CDK13: variants seen among roughly 807,000 people sequenced by gnomAD.
The protein encoded by CDK13 is cyclin-dependent kinase 13.
In CDK13, 40 loss-of-function variants were observed where a neutral mutation model predicts 137.6. That is an observed-to-expected ratio of 0.29 (90% CI 0.23 to 0.38). CDK13 has a LOEUF of 0.38. Among genes scored for constraint, CDK13 ranks in the 10% least tolerant of loss-of-function variants. CDK13 has a pLI of 1.00. For synonymous variants in CDK13, 869 were observed against 760.1 expected, an observed-to-expected ratio of 1.14 and a Z score of -2.36; for missense variants, 1,704 against 1,951.8, an observed-to-expected ratio of 0.87 and a Z score of 2.39.
chr7:40,027,214 G>A (rs189823007), intron 5 of CDK13, among the ~76,000 whole-genome samples: 4 of 152,196 alleles, frequency 2.6e-5, no homozygotes, highest in African/African-American at 7.2e-5. Context: ...ACGTGGTGGC[G>A]TGTGCCTGTA....
In CDK13 at chr7:40,097,034, G is replaced by C. The variant is rs1192162225; in HGVS notation, c.*2054G>C. 2.0e-5 allele frequency: 3 copies of C among 152,130 alleles called. No individual in the cohort carries two copies. The highest frequency in any genetic ancestry group is 7.2e-5 in the African/African-American group (3 of 41,448). The allele number at this position is 152,130 out of a possible 1,614,324, so 9.4% of individuals were successfully genotyped here. A position where few individuals can be genotyped will look rare whatever the true frequency, so the allele number is the denominator to read the frequency against. On this transcript the variant is annotated 3_prime_UTR_variant, in exon 14 of 14. Transcript: ENST00000181839. ...TAAGTTATTCTTAATAGTCACACTTGATAATTCTGCTGACCATAAGCAGCT... is the reference window on the plus strand; with the variant it reads ...TAAGTTATTCTTAATAGTCACACTTCATAATTCTGCTGACCATAAGCAGCT...
rs773534058 is a variant in CDK13 at position 39,951,607 on chromosome 7, G to A, written c.966G>A (p.Arg322=). 2 of 1,483,380 alleles carry A rather than the reference G, an allele frequency of 1.3e-6. No individual in the cohort carries two copies. Among genetic ancestry groups the A allele is most frequent in the South Asian group, 1.3e-5 (1 of 74,904 alleles). 91.9% of individuals were successfully genotyped at this position (1,483,380 alleles called of 1,614,324 possible). A position where few individuals can be genotyped will look rare whatever the true frequency, so the allele number is the denominator to read the frequency against. The stretch of plus-strand genomic sequence containing the variant: ...GGTCCCTCAGCCCACTGGGAGGCCG[G>A]GACGACAGCCCGGTGTCCCACAGGG... The part of the protein sequence containing the change: ...RRRSLSPLGG[R]DDSPVSHRAS... Residue 322 remains arginine (R), a synonymous_variant, in exon 1 of 14, where the codon CGG becomes CGA. Coordinates refer to ENST00000181839, the MANE Select transcript of CDK13 (RefSeq NM_003718.5).
At chr7:40,063,572 C>T (rs1455526359) in intron 9 of CDK13, among the ~76,000 whole-genome samples, 2 of 152,144 alleles carry the variant, frequency 1.3e-5, no homozygotes, top group African/African-American at 4.8e-5. Context: ...CGTAGACCTT[C>T]ATTATTTGGA....
At chr7:39,996,734 G>A (rs528580184) in intron 2 of CDK13, among the ~76,000 whole-genome samples, 18 of 152,012 alleles carry the variant, frequency 1.2e-4, no homozygotes, top group African/African-American at 2.9e-4. Flanking sequence ...AGGCCAAGGC[G>A]GGTGGATCAC....
rs1388157872 is a variant in CDK13 at position 40,092,860 on chromosome 7, G to A, written c.3311G>A (p.Ser1104Asn). The change falls in exon 13 of 14, where the codon AGT becomes AAT. Residue 1104 changes from serine (S) to asparagine (N), a missense_variant. By Grantham distance (46) the Ser-to-Asn change is conservative. This residue lies in a region of CDK13 where 475 missense variants were observed against 579.3 expected (regional missense o/e 0.82). Coordinates refer to ENST00000181839, the MANE Select transcript of CDK13 (RefSeq NM_003718.5). The stretch of plus-strand genomic sequence containing the variant: ...CTAAACCTACTACAATCTAAAACAA[G>A]TGTTAATATGGCTGATTTTGTCCAA... Reference protein sequence around the residue: ...ILLNLLQSKTSVNMADFVQVL... With the variant: ...ILLNLLQSKTNVNMADFVQVL... The A allele has an allele frequency of 2.5e-6, 4 of 1,614,030 alleles. No homozygotes were observed. The highest frequency in any genetic ancestry group is 2.2e-5 in the East Asian group (1 of 44,890).
intron 5 of CDK13, among the ~76,000 whole-genome samples, chr7:40,021,661 T>C (rs749654352): frequency 6.6e-6 from 1 of 152,148 alleles, no homozygotes; most frequent in East Asian, 1.9e-4. Context: ...TTAATTAAAA[T>C]ATATATGTAT....
At chr7:39,968,769 T>A (rs1244668413) in intron 1 of CDK13, among the ~76,000 whole-genome samples, 1 of 152,204 alleles carries the variant, frequency 6.6e-6, no homozygotes, top group Admixed American at 6.5e-5. Context: ...TGCTCAGGAT[T>A]GCTTTGGCCA....
At chr7:40,067,781 AT>A (rs1786313216) in intron 9 of CDK13, 1 of 151,914 alleles carries the variant, frequency 6.6e-6, no homozygotes, top group Non-Finnish European at 1.5e-5. Context: ...GAACGCCCCC[AT>A]CCCCCATATC....
chr7:39,960,840 G>A (rs1787595549), intron 1 of CDK13, among the ~76,000 whole-genome samples: 1 of 152,088 alleles, frequency 6.6e-6, no homozygotes, highest in Non-Finnish European at 1.5e-5. Context: ...CTGTCAAAGT[G>A]CTGGGATTAC....
At chr7:39,969,531 G>A (rs1783948767) in intron 1 of CDK13, among the ~76,000 whole-genome samples, 2 of 152,196 alleles carry the variant, frequency 1.3e-5, no homozygotes, top group African/African-American at 4.8e-5. Context: ...TAAGTTAGGA[G>A]AGGGTTTGCT....
At chr7:40,019,061 G>A (rs375147764) in intron 5 of CDK13, among the ~76,000 whole-genome samples, 1 of 152,170 alleles carries the variant, frequency 6.6e-6, no homozygotes, top group Non-Finnish European at 1.5e-5. Context: ...TATACATTGT[G>A]TAAAAGTTAA....
intron 5 of CDK13, among the ~76,000 whole-genome samples, chr7:40,031,825 ATTG>A (rs1289879619): frequency 1.9e-4 from 21 of 111,598 alleles, no homozygotes; most frequent in African/African-American, 6.0e-4. Flanking sequence ...TATTATTATT[ATTG>A]TTATTATTAT....
Position 40,035,957 on chromosome 7 carries a change from G to A in CDK13, c.2354-9879G>A, listed in dbSNP as rs151130577. ...AGGAGGATAGCTTGAGCCCCCAGGAGTTTGAGACCAGCCTGGGTGATATAG... is the reference window on the plus strand; with the variant it reads ...AGGAGGATAGCTTGAGCCCCCAGGAATTTGAGACCAGCCTGGGTGATATAG... On this transcript the variant is annotated intron_variant, in intron 5 of 13. Coordinates refer to ENST00000181839, the MANE Select transcript of CDK13 (RefSeq NM_003718.5). Among the ~76,000 whole-genome samples, 4 of 152,098 alleles carry A rather than the reference G, an allele frequency of 2.6e-5. No individual in the cohort carries two copies. The East Asian group carries it at 7.7e-4, about 29-fold the overall frequency.
At chr7:40,038,815 C>T (rs1381652333) in intron 5 of CDK13, among the ~76,000 whole-genome samples, 1 of 152,118 alleles carries the variant, frequency 6.6e-6, no homozygotes, top group Non-Finnish European at 1.5e-5. Context: ...CTTGTCTCAG[C>T]CTCCCAAGTA....
chr7:39,963,926 T>C (rs1377958716), intron 1 of CDK13, among the ~76,000 whole-genome samples: 1 of 152,226 alleles, frequency 6.6e-6, no homozygotes, highest in African/African-American at 2.4e-5. Context: ...TTACGTTTAT[T>C]GATTTGCATA....
intron 5 of CDK13, among the ~76,000 whole-genome samples, chr7:40,029,808 G>A (rs551142149): frequency 5.9e-5 from 9 of 152,046 alleles, no homozygotes; most frequent in Middle Eastern, 6.8e-3. Flanking sequence ...TTGCACCACC[G>A]TGCCCTGCTA....
At chr7:39,954,638 A>G (rs769496099) in intron 1 of CDK13, among the ~76,000 whole-genome samples, 6 of 152,254 alleles carry the variant, frequency 3.9e-5, no homozygotes, top group South Asian at 2.1e-4. Flanking sequence ...AATACAGACC[A>G]TGTGTAATGC....
In CDK13 at chr7:40,042,458, T is replaced by G. The variant is rs148411316; in HGVS notation, c.2354-3378T>G. 4.5e-3 allele frequency among the ~76,000 whole-genome samples: 678 copies of G among 149,518 alleles called. 6 individuals are homozygous for G. Among genetic ancestry groups the G allele is most frequent in the African/African-American group, 0.016 (661 of 40,774 alleles). ...TATATGTTATAGATACTTCTCCAGT[T>G]TGTCCTTTTCTTTTCTTTCTTTTTT... On this transcript the variant is annotated intron_variant, in intron 5 of 13. Coordinates refer to ENST00000181839, the MANE Select transcript of CDK13 (RefSeq NM_003718.5).
Position 39,967,917 on chromosome 7 carries a change from C to G in CDK13, c.1211+16065C>G, listed in dbSNP as rs182010446. On this transcript the variant is annotated intron_variant, in intron 1 of 13. Coordinates refer to ENST00000181839, the MANE Select transcript of CDK13 (RefSeq NM_003718.5). ...TTAAAAAAAAAAATTGAGATGGGAT[C>G]TTGCTATGTTGCCCAGGCTGGTCTC... is the stretch of plus-strand genomic sequence containing the variant. Among the ~76,000 whole-genome samples, 8 of 152,094 alleles carry G rather than the reference C, an allele frequency of 5.3e-5. No individual in the cohort carries two copies. The East Asian group carries it at 1.5e-3, about 29-fold the overall frequency.
Sources: gnomAD v4.1 joint callset for allele counts (sites outside exome capture counted in the v4.1 genomes callset) on GRCh38, gnomAD v4.1.1 for gene constraint, gnomAD v4.1.1 regional missense constraint, MANE v1.5 for transcripts, NCBI Gene and HGNC (gene_info 2026-07-23, HGNC 2026-07-21) for gene names.